NTMT1: variants seen among roughly 807,000 people sequenced by gnomAD.
NTMT1 encodes N-terminal RCC1 methyltransferase.
Under a neutral mutation model 17.5 loss-of-function variants are expected in NTMT1, and 8 were observed. That is an observed-to-expected ratio of 0.46 (90% confidence interval 0.27 to 0.82). The LOEUF is 0.82. Among genes scored for constraint, NTMT1 ranks in the 40% least tolerant of loss-of-function variants. The pLI, the probability that NTMT1 is intolerant of heterozygous loss-of-function variation, is 0.15. For missense variants in NTMT1, 221 were observed against 303.5 expected (o/e 0.73, Z 2.02); for synonymous variants, 128 against 126.8 (o/e 1.01, Z -0.06).
intron 1 of NTMT1, among the ~76,000 whole-genome samples, chr9:129,629,605 G>A (rs544143886): frequency 7.4e-4 from 112 of 152,294 alleles, no homozygotes; most frequent in Middle Eastern, 3.4e-3. Flanking sequence ...TGTTCCCAGT[G>A]CTGGGACACC....
At chr9:129,629,958 G>A (rs991971848) in intron 1 of NTMT1, among the ~76,000 whole-genome samples, 2 of 152,172 alleles carry the variant, frequency 1.3e-5, no homozygotes, top group African/African-American at 4.8e-5. Context: ...CTGAAGAGAA[G>A]TTTAAGCAGG....
At position 129,613,825 on chromosome 9, in the gene NTMT1, C is replaced by T. The variant is rs557657417; in HGVS notation, c.-55+4647C>T. ...CTGTGCCCCTGCGCACCCCCACTCA[C>T]GCTGCAGCCGGAAGCGTGCCCCCTT... On this transcript the variant is annotated intron_variant, in intron 1 of 3. Coordinates refer to the NTMT1 transcript ENST00000372486. The surrounding 1 kb of genome is among the most constrained non-coding windows in gnomAD (Gnocchi z 6.2). Among the ~76,000 whole-genome samples, 7 of 152,356 alleles carry T rather than the reference C, an allele frequency of 4.6e-5. No homozygotes were observed. Among genetic ancestry groups the T allele is most frequent in the Admixed American group, 3.3e-4 (5 of 15,306 alleles).
At chr9:129,611,806 G>A (rs1340443412) in intron 1 of NTMT1, among the ~76,000 whole-genome samples, 1 of 152,110 alleles carries the variant, frequency 6.6e-6, no homozygotes, top group East Asian at 1.9e-4. Flanking sequence ...AGGCTGGAGT[G>A]CAGTGGCGGG....
At position 129,620,134 on chromosome 9, in the gene NTMT1, G is replaced by A. The variant is rs1042805379; in HGVS notation, c.-55+10956G>A. 7 of 1,458,802 alleles carry A rather than the reference G, an allele frequency of 4.8e-6. No homozygotes were observed. Among genetic ancestry groups the A allele is most frequent in the East Asian group, 2.5e-5 (1 of 39,990 alleles). 90.4% of individuals were successfully genotyped at this position (1,458,802 alleles called of 1,614,324 possible). Reference sequence around the variant, plus strand: ...GCAGGAACTCACGGAACCTGCTGGGGAGGAGCTCTCCTAGGAAGGCGCCCA... The same window carrying A: ...GCAGGAACTCACGGAACCTGCTGGGAAGGAGCTCTCCTAGGAAGGCGCCCA... On this transcript the variant is annotated intron_variant, in intron 1 of 3. Transcript: ENST00000372486. The surrounding 1 kb of genome is among the most constrained non-coding windows in gnomAD (Gnocchi z 5.8).
At chr9:129,612,741 G>C (rs1449141497) in intron 1 of NTMT1, among the ~76,000 whole-genome samples, 1 of 152,184 alleles carries the variant, frequency 6.6e-6, no homozygotes, top group African/African-American at 2.4e-5. Context: ...AGCTGGGTGT[G>C]GTGGTGGGTG....
At chr9:129,626,346 G>A (rs938331260) in intron 1 of NTMT1, 51 bp downstream of exon 1, 1 of 152,294 alleles carries the variant, frequency 6.6e-6, no homozygotes, top group African/African-American at 2.4e-5. Context: ...GGAGAGGGGA[G>A]GCTGCGACCC....
Position 129,619,543 on chromosome 9 carries a change from G to C in NTMT1, c.-55+10365G>C, listed in dbSNP as rs757546749. The C allele has an allele frequency of 5.6e-6, 9 of 1,613,986 alleles. No individual in the cohort carries two copies. The South Asian group carries it at 9.9e-5, about 18-fold the overall frequency. The stretch of plus-strand genomic sequence containing the variant: ...ACTGGTTGGCCTTTCTGACAGTGGT[G>C]AATTGTGAGTGATCACCCTTCAGGG... On this transcript the variant is annotated intron_variant, in intron 1 of 3. Coordinates refer to the NTMT1 transcript ENST00000372486.
Position 129,613,579 on chromosome 9 carries a change from A to T in NTMT1, c.-55+4401A>T. ...CACTGGCAGGGCGGCCTTCTGGTTC[A>T]CAATGACGCTCTGTTGGACTGCAGG... is the stretch of plus-strand genomic sequence containing the variant. On this transcript the variant is annotated intron_variant, in intron 1 of 3. Transcript: ENST00000372486. This position sits in a 1 kb window ranked among gnomAD's most constrained non-coding sequence, Gnocchi z 6.2. 6.2e-7 allele frequency: 1 copy of T among 1,614,154 alleles called. No individual in the cohort carries two copies. The highest frequency in any genetic ancestry group is 1.1e-5 in the South Asian group (1 of 91,080).
rs898878615 is a variant in NTMT1 at position 129,635,035 on chromosome 9, T to C, written c.416-173T>C. 1.4e-5 allele frequency: 10 copies of C among 724,784 alleles called. No individual in the cohort carries two copies. In the African/African-American group the frequency reaches 1.8e-4, roughly 13 times the overall value. The allele number at this position is 724,784 out of a possible 1,614,324, so 44.9% of individuals were successfully genotyped here. ...ATGACCTCTGAGCCACAGTTTCCTA[T>C]TCTATGAATTGGGGTTTAGTAAATC... On this transcript the variant is annotated intron_variant, in intron 3 of 3. Coordinates refer to ENST00000372483, the MANE Select transcript of NTMT1 (RefSeq NM_014064.4).
intron 1 of NTMT1, among the ~76,000 whole-genome samples, chr9:129,610,398 T>C (rs1830087341): frequency 6.6e-6 from 1 of 150,658 alleles, no homozygotes; most frequent in African/African-American, 2.4e-5. Context: ...CCACGCGGAC[T>C]CCGGCTTCAG....
chr9:129,627,464 G>A lies in NTMT1; in HGVS notation c.-55+1169G>A, dbSNP rs571578994. ...GACAGAGATTTCTAAGCTCAAGAGA[G>A]AATATGTGCCCGGCACTGTGCAAAG... On this transcript the variant is annotated intron_variant, in intron 1 of 3. Transcript: ENST00000372483. Among the ~76,000 whole-genome samples, 4 of 152,342 alleles carry A rather than the reference G, an allele frequency of 2.6e-5. No homozygotes were observed. The South Asian group carries it at 8.3e-4, about 32-fold the overall frequency.
At chr9:129,622,043 G>A (rs1830741744), upstream of NTMT1, among the ~76,000 whole-genome samples, 1 of 152,170 alleles carries the variant, frequency 6.6e-6, no homozygotes, top group Non-Finnish European at 1.5e-5. Flanking sequence ...GGGCTATTGT[G>A]CCCTGGATGC....
rs778727029 is a variant in NTMT1 at position 129,620,673 on chromosome 9, C to T, written c.-55+11495C>T. ...ATAGTCCAGCCCCAGGCCATAGTGC[C>T]CCGGGCGGGGCAGCGCGGTGCGGGG... On this transcript the variant is annotated intron_variant, in intron 1 of 3. Coordinates refer to the NTMT1 transcript ENST00000372486. The surrounding 1 kb of genome is among the most constrained non-coding windows in gnomAD (Gnocchi z 5.8). 5.5e-5 allele frequency: 62 copies of T among 1,134,676 alleles called. No homozygotes were observed. Among genetic ancestry groups the T allele is most frequent in the South Asian group, 8.6e-5 (2 of 23,222 alleles). 70.3% of individuals were successfully genotyped at this position (1,134,676 alleles called of 1,614,324 possible).
At chr9:129,632,539 C>T (rs937023314) in intron 1 of NTMT1, 111 bp from the exon 2 acceptor site, 34 of 725,518 alleles carry the variant, frequency 4.7e-5, no homozygotes, top group Non-Finnish European at 6.9e-5. Context: ...CTTCTCTCTG[C>T]ACTCAGCAGG....
rs1404898659 is a variant in NTMT1 at position 129,613,484 on chromosome 9, C to T, written c.-55+4306C>T. On this transcript the variant is annotated intron_variant, in intron 1 of 3. Transcript: ENST00000372486. The surrounding 1 kb of genome is among the most constrained non-coding windows in gnomAD (Gnocchi z 6.2). ...GAGCTGGCCAGGGTCTCCTCCTTGG[C>T]CCCAGGGTACAGGGCTTTGGGCAAA... 1.9e-6 allele frequency: 3 copies of T among 1,614,152 alleles called. No homozygotes were observed. The highest frequency in any genetic ancestry group is 2.2e-5 in the East Asian group (1 of 44,876).
At chr9:129,634,696 C>T (rs1173597825) in intron 3 of NTMT1, 7 of 222,094 alleles carry the variant, frequency 3.2e-5, no homozygotes, top group Non-Finnish European at 3.6e-5. Flanking sequence ...ACACCTCGAG[C>T]GCTGTGCCCT....
Position 129,634,333 on chromosome 9 carries a change from T to C in NTMT1, c.415+27T>C, listed in dbSNP as rs750164374. 5.2e-5 allele frequency: 82 copies of C among 1,568,208 alleles called. 1 individual carries two copies. The highest frequency in any genetic ancestry group is 7.0e-5 in the Non-Finnish European group (81 of 1,154,720). ...TGAGGGTTCCACCGCCCTTCCCTGCTCACCTGTATGTCTCCTGCCACTCGC... is the reference window on the plus strand; with the variant it reads ...TGAGGGTTCCACCGCCCTTCCCTGCCCACCTGTATGTCTCCTGCCACTCGC... On this transcript the variant is annotated intron_variant, in intron 3 of 3. Coordinates refer to ENST00000372483, the MANE Select transcript of NTMT1 (RefSeq NM_014064.4).
At chr9:129,617,857 TA>T (rs1336084704) in intron 1 of NTMT1, among the ~76,000 whole-genome samples, 1 of 152,008 alleles carries the variant, frequency 6.6e-6, no homozygotes, top group East Asian at 1.9e-4. Flanking sequence ...CTAATTTTTG[TA>T]ATTTTTGTAG....
chr9:129,635,509 G>A lies in NTMT1; in HGVS notation c.*45G>A. ...ACTGAGGAACCACAGTCCTGGTGGG[G>A]GGAGCTGGCAGCTGGGCAAGATCCA... is the stretch of plus-strand genomic sequence containing the variant. On this transcript the variant is annotated 3_prime_UTR_variant, in exon 4 of 4. Coordinates refer to ENST00000372483, the MANE Select transcript of NTMT1 (RefSeq NM_014064.4). 6.3e-7 allele frequency: 1 copy of A among 1,576,572 alleles called. No homozygotes were observed. Among genetic ancestry groups the A allele is most frequent in the Non-Finnish European group, 8.6e-7 (1 of 1,159,770 alleles).
Sources: gnomAD v4.1 joint callset for allele counts (sites outside exome capture counted in the v4.1 genomes callset) on GRCh38, gnomAD v4.1.1 for gene constraint, Gnocchi (gnomAD v3.1) non-coding constraint, MANE v1.5 for transcripts, NCBI Gene and HGNC (gene_info 2026-07-23, HGNC 2026-07-21) for gene names.